Variants in TINAG observed in about 807,000 individuals in gnomAD.
The protein encoded by TINAG is tubulointerstitial nephritis antigen.
Under a neutral mutation model 72.7 loss-of-function variants are expected in TINAG, and 83 were observed. The ratio of observed to expected loss-of-function variants is 1.14; its 90% CI spans 0.96 to 1.37. The LOEUF (loss-of-function observed/expected upper bound fraction) is 1.37, where lower values mean the gene tolerates loss of function less well. Among genes scored for constraint, TINAG ranks in the 40% most tolerant of loss-of-function variants. The pLI is 0.00. For synonymous variants in TINAG, 234 were observed against 189.9 expected, an observed-to-expected ratio of 1.23 and a Z score of -1.91; for missense variants, 685 against 576.6, an observed-to-expected ratio of 1.19 and a Z score of -1.93.
chr6:54,339,084 C>T (rs1256151918), intron 4 of TINAG, among the ~76,000 whole-genome samples: 1 of 152,086 alleles, frequency 6.6e-6, no homozygotes, highest in Admixed American at 6.5e-5. Context: ...AATTGAGATG[C>T]TTTCTTACAT....
intron 5 of TINAG, among the ~76,000 whole-genome samples, chr6:54,344,656 T>C (rs149064330): frequency 1.3e-5 from 2 of 152,282 alleles, no homozygotes; most frequent in Non-Finnish European, 2.9e-5. Flanking sequence ...TGTGGTGAAA[T>C]ACTGAAAGCA....
chr6:54,310,785 CTCTT>C (rs1168492292), intron 1 of TINAG, among the ~76,000 whole-genome samples: 10 of 141,804 alleles, frequency 7.1e-5, no homozygotes, highest in African/African-American at 1.8e-4. Flanking sequence ...CCCTTTCTTT[CTCTT>C]TCTTTTTTCT....
At chr6:54,308,142 C>A, upstream of TINAG, 1 of 1,545,866 alleles carries the variant, frequency 6.5e-7, no homozygotes, top group Non-Finnish European at 8.7e-7. Flanking sequence ...ATTTCCTGCA[C>A]CTTGCCAGTG....
At position 54,343,208 on chromosome 6, in the gene TINAG, C is replaced by A; in HGVS notation, c.625-18C>A. The A allele has an allele frequency of 2.6e-6, 4 of 1,524,254 alleles. No individual in the cohort carries two copies. Among genetic ancestry groups the A allele is most frequent in the Non-Finnish European group, 3.5e-6 (4 of 1,133,380 alleles). 94.4% of individuals were successfully genotyped at this position (1,524,254 alleles called of 1,614,324 possible). The stretch of plus-strand genomic sequence containing the variant: ...TATTTGAGAAAATCTCATATATGTA[C>A]CTCTTCTTCCTCTTTAGGCTTCTTT... On this transcript the variant is annotated intron_variant, in intron 4 of 10. Transcript: ENST00000259782.
intron 5 of TINAG, 90 bp downstream of exon 5, chr6:54,343,439 A>G: frequency 8.6e-7 from 1 of 1,156,492 alleles, no homozygotes; most frequent in Non-Finnish European, 1.1e-6. Flanking sequence ...AACAATTAGA[A>G]TATTTAAATA....
At chr6:54,349,972 T>A in intron 7 of TINAG, 76 bp downstream of exon 7, 1 of 931,326 alleles carries the variant, frequency 1.1e-6, no homozygotes, top group Non-Finnish European at 1.5e-6. Context: ...TAAAACAATT[T>A]AAAAACTAAT....
At chr6:54,379,129 G>C (rs1411944979) in intron 9 of TINAG, among the ~76,000 whole-genome samples, 1 of 152,170 alleles carries the variant, frequency 6.6e-6, no homozygotes, top group Non-Finnish European at 1.5e-5. Flanking sequence ...GCTGTTGGAA[G>C]TTTGAATATT....
intron 3 of TINAG, among the ~76,000 whole-genome samples, chr6:54,325,471 C>T (rs1784582341): frequency 6.6e-6 from 1 of 152,120 alleles, no homozygotes; most frequent in Non-Finnish European, 1.5e-5. Context: ...CACAGTAGAA[C>T]ATACATTTTA....
In TINAG at chr6:54,389,960, A is replaced by C; in HGVS notation, c.*35A>C. On this transcript the variant is annotated 3_prime_UTR_variant, in exon 11 of 11. Transcript: ENST00000259782. ...AAATTTCCATAAGGTCATGCCTTTA[A>C]GTAACCCCCTAAATTGAAGTTTAGC... 3 of 1,594,900 alleles carry C rather than the reference A, an allele frequency of 1.9e-6. No individual in the cohort carries two copies. The highest frequency in any genetic ancestry group is 2.6e-6 in the Non-Finnish European group (3 of 1,174,490).
At chr6:54,357,591 G>A (rs904429187) in intron 9 of TINAG, among the ~76,000 whole-genome samples, 2 of 151,834 alleles carry the variant, frequency 1.3e-5, no homozygotes, top group African/African-American at 4.8e-5. Context: ...TTCTCTGCTG[G>A]AAGCCTTGGA....
At chr6:54,312,680 C>T (rs1784285233) in intron 1 of TINAG, among the ~76,000 whole-genome samples, 1 of 152,082 alleles carries the variant, frequency 6.6e-6, no homozygotes, top group Admixed American at 6.6e-5. Context: ...ATAAAGCCAA[C>T]AGAAAATAGC....
At chr6:54,354,440 G>A (rs963205085) in intron 8 of TINAG, 73 bp from the exon 9 acceptor site, 92 of 1,410,364 alleles carry the variant, frequency 6.5e-5, no homozygotes, top group Non-Finnish European at 8.5e-5. Context: ...TGGTTGTTCC[G>A]TGAAATTTTC....
intron 10 of TINAG, among the ~76,000 whole-genome samples, chr6:54,386,951 A>T (rs1443738007): frequency 6.6e-6 from 1 of 152,230 alleles, no homozygotes; most frequent in Admixed American, 6.5e-5. Context: ...AAAAGACAGT[A>T]TTATAAGAAA....
chr6:54,328,929 G>A (rs1784672412), intron 4 of TINAG, among the ~76,000 whole-genome samples: 1 of 151,940 alleles, frequency 6.6e-6, no homozygotes, highest in South Asian at 2.1e-4. Context: ...AAAGAAAAAT[G>A]AATGAAAAGG....
At chr6:54,388,667 C>A (rs578214581) in intron 10 of TINAG, among the ~76,000 whole-genome samples, 18 of 152,118 alleles carry the variant, frequency 1.2e-4, no homozygotes, top group African/African-American at 4.3e-4. Flanking sequence ...TTCTGTGTGT[C>A]CTTTGGCCTT....
intron 9 of TINAG, among the ~76,000 whole-genome samples, chr6:54,375,412 G>T (rs1037680884): frequency 3.3e-5 from 5 of 152,156 alleles, no homozygotes; most frequent in Non-Finnish European, 5.9e-5. Flanking sequence ...CTTAGGCAAT[G>T]ATAAACTAAC....
rs1763634650 is a variant in TINAG at position 54,372,073 on chromosome 6, C to A, written c.1251-8453C>A. ...ATGGCATGATCTGGGCTCACTGCAA[C>A]CTCCGCCTCCTGGGTTCAAGTTATT... On this transcript the variant is annotated intron_variant, in intron 9 of 10. Coordinates refer to ENST00000259782, the MANE Select transcript of TINAG (RefSeq NM_014464.4). Among the ~76,000 whole-genome samples the A allele has an allele frequency of 1.4e-5, 2 of 141,678 alleles. 1 individual carries two copies. The highest frequency in any genetic ancestry group is 5.1e-5 in the African/African-American group (2 of 39,214). 92.9% of individuals were successfully genotyped at this position (141,678 alleles called of 152,430 possible). A position where few individuals can be genotyped will look rare whatever the true frequency, so the allele number is the denominator to read the frequency against.
At chr6:54,387,843 T>A (rs1324613194) in intron 10 of TINAG, among the ~76,000 whole-genome samples, 2 of 151,996 alleles carry the variant, frequency 1.3e-5, no homozygotes, top group Non-Finnish European at 1.5e-5. Flanking sequence ...AATGCTGAAA[T>A]AGAAGAAATG....
At chr6:54,323,246 C>T (rs1386090812) in intron 3 of TINAG, among the ~76,000 whole-genome samples, 1 of 151,940 alleles carries the variant, frequency 6.6e-6, no homozygotes, top group African/African-American at 2.4e-5. Context: ...CAAAAGGAAA[C>T]ATATAAAAAC....
Sources: allele counts gnomAD v4.1 joint callset (sites outside exome capture counted in the v4.1 genomes callset), GRCh38; gene constraint gnomAD v4.1.1; transcripts MANE v1.5; gene names NCBI Gene and HGNC (gene_info 2026-07-23, HGNC 2026-07-21).